Variants in DEPDC1B observed in about 807,000 individuals in gnomAD.
DEPDC1B encodes DEP domain containing 1B, also known as DEP domain-containing protein 1B.
DEPDC1B carries 51 observed loss-of-function variants against 66.5 expected under a neutral mutation model. The ratio of observed to expected loss-of-function variants is 0.77; its 90% CI spans 0.61 to 0.97. The LOEUF is 0.97. Among genes scored for constraint, DEPDC1B ranks in the 50% least tolerant of loss-of-function variants. The probability of loss-of-function intolerance (pLI) is 0.00; values close to 1 mark genes in which losing one functional copy is unlikely to be tolerated. For synonymous variants in DEPDC1B, 226 were observed against 223.6 expected, an observed-to-expected ratio of 1.01 and a Z score of -0.10; for missense variants, 552 against 637.1, an observed-to-expected ratio of 0.87 and a Z score of 1.44.
intron 1 of DEPDC1B, among the ~76,000 whole-genome samples, chr5:60,697,011 T>C (rs1442280930): frequency 6.6e-6 from 1 of 152,188 alleles, no homozygotes; most frequent in East Asian, 1.9e-4. Flanking sequence ...AAGCTGTATG[T>C]CTTTTAAAAT....
chr5:60,699,953 G>T, intron 1 of DEPDC1B, 93 bp downstream of exon 1: 1 of 1,457,246 alleles, frequency 6.9e-7, no homozygotes, highest in Non-Finnish European at 9.3e-7. Flanking sequence ...CCGCTGGCCT[G>T]CGGAAGCGAA....
Position 60,677,357 on chromosome 5 carries a change from C to G in DEPDC1B, c.314+9605G>C, listed in dbSNP as rs151294386. On this transcript the variant is annotated intron_variant, in intron 2 of 10. Coordinates refer to ENST00000265036, the MANE Select transcript of DEPDC1B (RefSeq NM_018369.3). ...TCTCTCTCTCTCTCTCTCTCTCTCT[C>G]TCTCTCAAAAGAGATTATAAAGTCA... 5.4e-3 allele frequency among the ~76,000 whole-genome samples: 817 copies of G among 150,164 alleles called. 4 individuals are homozygous for G. The highest frequency in any genetic ancestry group is 8.3e-3 in the Non-Finnish European group (556 of 67,156).
chr5:60,683,484 T>TAC, intron 2 of DEPDC1B, among the ~76,000 whole-genome samples: 1 of 151,936 alleles, frequency 6.6e-6, no homozygotes, highest in Middle Eastern at 3.4e-3. Context: ...TATATATATA[T>TAC]ACATCACAAC....
chr5:60,613,828 G>GTGTGTA (rs3989094), intron 7 of DEPDC1B, among the ~76,000 whole-genome samples: 10,707 of 144,264 alleles, frequency 0.074, 1,100 homozygotes, highest in African/African-American at 0.22. Flanking sequence ...GTGTGTGTGT[G>GTGTGTA]TATACATAAA....
intron 1 of DEPDC1B, among the ~76,000 whole-genome samples, chr5:60,693,457 T>C (rs1045002177): frequency 6.6e-5 from 10 of 152,184 alleles, no homozygotes; most frequent in African/African-American, 2.2e-4. Flanking sequence ...TATTGTAAGA[T>C]CAAATGAGAT....
rs968249418 is a variant in DEPDC1B, at chr5:60,687,234, G to T, written c.49-7C>A. 1.9e-6 allele frequency: 3 copies of T among 1,594,704 alleles called. No homozygotes were observed. Among genetic ancestry groups the T allele is most frequent in the Admixed American group, 3.4e-5 (2 of 58,506 alleles). On this transcript the variant is annotated splice_region_variant and splice_polypyrimidine_tract_variant and intron_variant, in intron 1 of 10. Coordinates refer to ENST00000265036, the MANE Select transcript of DEPDC1B (RefSeq NM_018369.3). ...GCTCCACGGTCTCATTCCACTAGGG[G>T]AAAGAAAGAGAATGGCATTTAGTAA...
intron 7 of DEPDC1B, among the ~76,000 whole-genome samples, chr5:60,611,909 T>A (rs1239988542): frequency 1.3e-5 from 2 of 152,156 alleles, no homozygotes; most frequent in East Asian, 3.9e-4. Context: ...ATAATGAAAG[T>A]GGCTACATTA....
At chr5:60,689,526 G>T (rs1440209265) in intron 1 of DEPDC1B, among the ~76,000 whole-genome samples, 1 of 152,108 alleles carries the variant, frequency 6.6e-6, no homozygotes, top group Non-Finnish European at 1.5e-5. Context: ...TCTGTATCTT[G>T]AATTTTAACA....
At chr5:60,696,219 T>A (rs372336186) in intron 1 of DEPDC1B, among the ~76,000 whole-genome samples, 15 of 152,282 alleles carry the variant, frequency 9.9e-5, no homozygotes, top group African/African-American at 2.6e-4. Context: ...GAAAAAAAAA[T>A]CCATTAGGAT....
chr5:60,651,215 C>A (rs1398988921), intron 2 of DEPDC1B, among the ~76,000 whole-genome samples: 1 of 152,086 alleles, frequency 6.6e-6, no homozygotes, highest in Non-Finnish European at 1.5e-5. Flanking sequence ...TCCAAAATTC[C>A]TGATCCACAC....
chr5:60,651,026 G>A (rs1753438977), intron 2 of DEPDC1B, among the ~76,000 whole-genome samples: 1 of 152,084 alleles, frequency 6.6e-6, no homozygotes, highest in Non-Finnish European at 1.5e-5. Context: ...TGACTACCGT[G>A]AGCCCACCAT....
At chr5:60,658,846 C>T (rs567205593) in intron 2 of DEPDC1B, among the ~76,000 whole-genome samples, 2 of 152,272 alleles carry the variant, frequency 1.3e-5, no homozygotes, top group South Asian at 2.1e-4. Flanking sequence ...ATGTTTGTTA[C>T]GGCTCAAGCT....
intron 7 of DEPDC1B, among the ~76,000 whole-genome samples, chr5:60,612,356 G>A (rs1752429694): frequency 6.6e-6 from 1 of 151,520 alleles, no homozygotes; most frequent in African/African-American, 2.4e-5. Flanking sequence ...CCAGGAAGTG[G>A]AGGTTGCAAT....
intron 2 of DEPDC1B, among the ~76,000 whole-genome samples, chr5:60,658,094 T>TC (rs1378635880): frequency 1.3e-5 from 2 of 152,200 alleles, no homozygotes; most frequent in African/African-American, 4.8e-5. Flanking sequence ...ACTGAGACTT[T>TC]CCAGTGTATT....
In DEPDC1B at chr5:60,686,975, G is replaced by A. The variant is rs1171653619; in HGVS notation, c.301C>T (p.Arg101Cys). Residue 101 changes from arginine to cysteine, a missense_variant, in exon 2 of 11, where the codon CGT (arginine) becomes TGT (cysteine). Arg to Cys is a radical substitution (Grantham distance 180). Coordinates refer to ENST00000265036, the MANE Select transcript of DEPDC1B (RefSeq NM_018369.3). ...KWGEEDFEDN[R>C]HLYRFPPSSP... The stretch of plus-strand genomic sequence containing the variant: ...TGTTGCCATTACCTGTATAAGTGAC[G>A]ATTGTCTTCAAAATCTTCCTCACCC... 7 of 1,614,016 alleles carry A rather than the reference G, an allele frequency of 4.3e-6. No individual in the cohort carries two copies. The highest frequency in any genetic ancestry group is 1.3e-5 in the African/African-American group (1 of 74,920).
intron 1 of DEPDC1B, among the ~76,000 whole-genome samples, chr5:60,690,655 GTC>G (rs1754521656): frequency 6.6e-6 from 1 of 151,826 alleles, no homozygotes; most frequent in Admixed American, 6.6e-5. Context: ...CGAATCTTTT[GTC>G]TCTCACCTCT....
intron 7 of DEPDC1B, among the ~76,000 whole-genome samples, chr5:60,608,144 C>T (rs206789): frequency 0.72 from 109,901 of 152,090 alleles, 40,949 homozygotes; most frequent in African/African-American, 0.92. Flanking sequence ...TGAATGGGGA[C>T]GTAGCGGTTG....
intron 6 of DEPDC1B, among the ~76,000 whole-genome samples, chr5:60,640,150 A>G (rs1753154215): frequency 6.6e-6 from 1 of 152,190 alleles, no homozygotes; most frequent in African/African-American, 2.4e-5. Flanking sequence ...AAATTGTGAA[A>G]TATCTATGTG....
intron 7 of DEPDC1B, among the ~76,000 whole-genome samples, chr5:60,607,453 T>C (rs987621308): frequency 2.6e-5 from 4 of 152,206 alleles, no homozygotes; most frequent in Admixed American, 6.5e-5. Context: ...TATTTTAATA[T>C]ATTCTTTCAT....
Sources: allele counts gnomAD v4.1 joint callset (sites outside exome capture counted in the v4.1 genomes callset), GRCh38; gene constraint gnomAD v4.1.1; transcripts MANE v1.5; gene names NCBI Gene and HGNC (gene_info 2026-07-23, HGNC 2026-07-21).